CTBP2: variants seen among roughly 807,000 people sequenced by gnomAD.
CTBP2 encodes C-terminal-binding protein 2.
A neutral mutation model predicts 80.3 loss-of-function variants in CTBP2; 30 were observed. That is an observed-to-expected ratio of 0.37 (90% CI 0.28 to 0.51). The LOEUF is 0.51. CTBP2 is among the 20% of genes least tolerant of loss of function. The pLI, the probability that CTBP2 is intolerant of heterozygous loss-of-function variation, is 0.93. For synonymous variants in CTBP2, 594 were observed against 587.4 expected, an observed-to-expected ratio of 1.01 and a Z score of -0.16; for missense variants, 1,212 against 1,375.3, an observed-to-expected ratio of 0.88 and a Z score of 1.88.
chr10:125,153,194 T>G (rs766196772), intron 1 of CTBP2, among the ~76,000 whole-genome samples: 19 of 152,248 alleles, frequency 1.2e-4, no homozygotes, highest in Non-Finnish European at 2.4e-4. Flanking sequence ...CACTCCAGGC[T>G]GAACATTCTC....
intron 2 of CTBP2, among the ~76,000 whole-genome samples, chr10:125,100,277 C>T (rs1335800401): frequency 1.3e-5 from 2 of 152,140 alleles, no homozygotes; most frequent in African/African-American, 2.4e-5. Flanking sequence ...TGATGATTGG[C>T]CACCCAATTC....
intron 1 of CTBP2, among the ~76,000 whole-genome samples, chr10:125,004,432 G>A (rs1031246462): frequency 2.0e-5 from 3 of 151,854 alleles, no homozygotes; most frequent in South Asian, 2.1e-4. Flanking sequence ...CTCAGAGACA[G>A]AGAAGCAGCA....
chr10:125,088,148 G>T (rs17152617), intron 2 of CTBP2: 27,356 of 152,136 alleles, frequency 0.18, 2,709 homozygotes, highest in African/African-American at 0.22. Flanking sequence ...AGGGACAAAA[G>T]ATCACAGGAG....
intron 1 of CTBP2, among the ~76,000 whole-genome samples, chr10:125,159,571 G>T (rs1211618109): frequency 6.6e-6 from 1 of 150,434 alleles, no homozygotes; most frequent in Non-Finnish European, 1.5e-5. Flanking sequence ...AAAACAAAAG[G>T]GTTCCACTTC....
chr10:125,101,938 G>T (rs1017186410), intron 2 of CTBP2, among the ~76,000 whole-genome samples: 1 of 152,014 alleles, frequency 6.6e-6, no homozygotes, highest in African/African-American at 2.4e-5. Flanking sequence ...TCAGTGCCTC[G>T]ATCGCTGAAA....
At position 125,044,755 on chromosome 10, in the gene CTBP2, G is replaced by A. The variant is rs138234837; in HGVS notation, c.-101-5600C>T. Among the ~76,000 whole-genome samples the A allele has an allele frequency of 7.3e-3, 1,112 of 152,260 alleles. 17 individuals are homozygous for A. Among genetic ancestry groups the A allele is most frequent in the African/African-American group, 0.025 (1,050 of 41,536 alleles). On this transcript the variant is annotated intron_variant, in intron 2 of 10. Coordinates refer to the CTBP2 transcript ENST00000337195. ...CACTCCAGCCTGGGCCACCCAGTGA[G>A]AGCCTGTCTCAAACTTAAAGCAACA...
intron 4 of CTBP2, chr10:124,997,219 G>C (rs1953737928): frequency 6.6e-6 from 1 of 152,270 alleles, no homozygotes; most frequent in Admixed American, 6.5e-5. Flanking sequence ...TTACAGATTG[G>C]GAAATTGAGG....
At chr10:125,025,361 A>G (rs1031912303) in intron 1 of CTBP2, among the ~76,000 whole-genome samples, 3 of 152,198 alleles carry the variant, frequency 2.0e-5, no homozygotes, top group Non-Finnish European at 4.4e-5. Context: ...GCCATAAATC[A>G]CACCTGGCAC....
Position 124,993,262 on chromosome 10 carries a change from C to T in CTBP2, c.2599G>A (p.Glu867Lys). 1 of 1,607,768 alleles carries T rather than the reference C, an allele frequency of 6.2e-7. No individual in the cohort carries two copies. Among genetic ancestry groups the T allele is most frequent in the Non-Finnish European group, 8.5e-7 (1 of 1,174,890 alleles). ...TCCCTCATCTCCAGTGACGCCTGCT[C>T]ACTGTACCAGGCAGTGTGAGGAGTG... Residue 867 changes from glutamate to lysine, a missense_variant, in exon 7 of 9, where the codon GAG becomes AAG. Glu to Lys is a moderately conservative substitution (Grantham distance 56). Around this residue, in one of 3 missense-constraint regions of CTBP2, gnomAD observed 335 missense variants for 504.7 expected, o/e 0.66. Coordinates refer to ENST00000309035, the MANE Select transcript of CTBP2 (RefSeq NM_022802.3).
chr10:124,997,919 CCA>C lies in CTBP2; in HGVS notation c.2185+43_2185+44del, dbSNP rs760628502. 2.5e-6 allele frequency: 4 copies of C among 1,574,820 alleles called. No individual in the cohort carries two copies. In the East Asian group the frequency reaches 9.0e-5, roughly 35 times the overall value. On this transcript the variant is annotated intron_variant, in intron 4 of 8. Transcript: ENST00000309035. ...CCGAGGGGTCCCCACTACACCAGCC[CCA>C]GTGTCGGAGGGGTTGGGGGTCAGCG...
chr10:125,025,548 C>T (rs377187537), intron 1 of CTBP2, among the ~76,000 whole-genome samples: 1 of 152,228 alleles, frequency 6.6e-6, no homozygotes, highest in African/African-American at 2.4e-5. Flanking sequence ...CACAAGTATG[C>T]AAACACACAC....
Position 124,985,034 on chromosome 10 carries a change from T to A in CTBP2, c.*4484A>T. 6.8e-7 allele frequency: 1 copy of A among 1,467,662 alleles called. No homozygotes were observed. Among genetic ancestry groups the A allele is most frequent in the Non-Finnish European group, 9.4e-7 (1 of 1,068,740 alleles). 90.9% of individuals were successfully genotyped at this position (1,467,662 alleles called of 1,614,324 possible). On this transcript the variant is annotated 3_prime_UTR_variant, in exon 9 of 9. Transcript: ENST00000309035. ...GCAGAAGACCAAGGCATCAGATCTGTAATGACCCTAAAGTTAGTGTGGTGC... is the reference window on the plus strand; with the variant it reads ...GCAGAAGACCAAGGCATCAGATCTGAAATGACCCTAAAGTTAGTGTGGTGC...
intron 2 of CTBP2, among the ~76,000 whole-genome samples, chr10:125,096,736 A>G (rs1488450524): frequency 7.5e-6 from 1 of 133,280 alleles, no homozygotes; most frequent in Non-Finnish European, 1.6e-5. Flanking sequence ...ACGGCATGAA[A>G]TAGCTCAAAG....
chr10:125,127,406 C>A (rs1018297373), intron 1 of CTBP2, among the ~76,000 whole-genome samples: 1 of 152,200 alleles, frequency 6.6e-6, no homozygotes, highest in Admixed American at 6.5e-5. Context: ...TAGCCGTGCA[C>A]GTCAGTTCCT....
At chr10:125,042,152 C>G (rs1226738587) in intron 2 of CTBP2, among the ~76,000 whole-genome samples, 1 of 152,184 alleles carries the variant, frequency 6.6e-6, no homozygotes, top group Non-Finnish European at 1.5e-5. Context: ...ATCCTCTCCC[C>G]CGATATCTCT....
At chr10:124,993,362 G>A (rs1554949378) in intron 6 of CTBP2, 33 bp from the exon 9 acceptor site, 2 of 1,594,942 alleles carry the variant, frequency 1.3e-6, no homozygotes, top group East Asian at 4.5e-5. Flanking sequence ...GAGTAAGCGG[G>A]AAATGTCGCA....
chr10:125,097,659 G>A (rs1299090023), intron 2 of CTBP2, among the ~76,000 whole-genome samples: 2 of 152,180 alleles, frequency 1.3e-5, no homozygotes, highest in East Asian at 3.9e-4. Flanking sequence ...CATGTCAGAT[G>A]TATGTGTGCA....
intron 2 of CTBP2, among the ~76,000 whole-genome samples, chr10:125,086,054 T>G (rs1392597248): frequency 6.6e-6 from 1 of 152,186 alleles, no homozygotes; most frequent in Non-Finnish European, 1.5e-5. Flanking sequence ...AACCACTCCC[T>G]GTGTTCTCAC....
chr10:125,156,180 C>T (rs1019011406), intron 1 of CTBP2, among the ~76,000 whole-genome samples: 7 of 152,170 alleles, frequency 4.6e-5, no homozygotes, highest in Non-Finnish European at 1.0e-4. Flanking sequence ...GTGCCCTGCC[C>T]AACTGATAAA....
Sources: gnomAD v4.1 joint callset for allele counts (sites outside exome capture counted in the v4.1 genomes callset) on GRCh38, gnomAD v4.1.1 for gene constraint, gnomAD v4.1.1 regional missense constraint, MANE v1.5 for transcripts, NCBI Gene and HGNC (gene_info 2026-07-23, HGNC 2026-07-21) for gene names.